SEPTIN14: variants seen among roughly 807,000 people sequenced by gnomAD.
SEPTIN14 encodes the protein septin-14.
In SEPTIN14, 40 loss-of-function variants were observed where a neutral mutation model predicts 53.6. The observed-to-expected ratio is 0.75, with a 90% CI of 0.58 to 0.97. The LOEUF is 0.97. Among genes scored for constraint, SEPTIN14 ranks in the 50% least tolerant of loss-of-function variants. The pLI is 0.00. For synonymous variants in SEPTIN14, 138 were observed against 166.8 expected (o/e 0.83, Z 1.33); for missense variants, 471 against 508.2 (o/e 0.93, Z 0.70).
At chr7:55,821,336 G>A (rs1219897699) in intron 6 of SEPTIN14, among the ~76,000 whole-genome samples, 1 of 152,112 alleles carries the variant, frequency 6.6e-6, no homozygotes, top group African/African-American at 2.4e-5. Flanking sequence ...GTTACCAGTG[G>A]GTGCCTGAAG....
intron 5 of SEPTIN14, among the ~76,000 whole-genome samples, chr7:55,839,109 C>G (rs767617513): frequency 8.6e-5 from 13 of 151,996 alleles, no homozygotes; most frequent in Non-Finnish European, 1.9e-4. Context: ...ATTTTGAGGC[C>G]AGGCGTGGTG....
chr7:55,855,197 G>A lies in SEPTIN14; in HGVS notation c.54+6746C>T, dbSNP rs576063686. Among the ~76,000 whole-genome samples the A allele has an allele frequency of 2.8e-3, 421 of 151,934 alleles. 5 individuals carry two copies. Among genetic ancestry groups the A allele is most frequent in the Middle Eastern group, 0.01 (3 of 294 alleles). On this transcript the variant is annotated intron_variant, in intron 2 of 9. Transcript: ENST00000388975. Reference sequence around the variant, plus strand: ...CTAATTTTTTGTATTTTTAGTAGAGGTGGGGTTTCACCGTGTTAGCCAGGA... The same window carrying A: ...CTAATTTTTTGTATTTTTAGTAGAGATGGGGTTTCACCGTGTTAGCCAGGA...
At chr7:55,825,925 A>AC (rs1788976783) in intron 6 of SEPTIN14, among the ~76,000 whole-genome samples, 1 of 152,014 alleles carries the variant, frequency 6.6e-6, no homozygotes. Flanking sequence ...ACACAGTGAA[A>AC]CCCCATCTCT....
At position 55,801,890 on chromosome 7, in the gene SEPTIN14, C is replaced by T. The variant is rs113655676; in HGVS notation, c.1119+3368G>A. Among the ~76,000 whole-genome samples, 524 of 152,130 alleles carry T rather than the reference C, an allele frequency of 3.4e-3. 7 individuals are homozygous for T. Among genetic ancestry groups the T allele is most frequent in the African/African-American group, 0.012 (495 of 41,498 alleles). On this transcript the variant is annotated intron_variant, in intron 9 of 9. Coordinates refer to ENST00000388975, the MANE Select transcript of SEPTIN14 (RefSeq NM_207366.3). ...GAGCTGAGATCGTGCCACTTCACTC[C>T]AGCCTGGGTGACACAGCGAGATCTT...
intron 6 of SEPTIN14, among the ~76,000 whole-genome samples, chr7:55,824,628 CA>C (rs34568525): frequency 1.9e-4 from 27 of 144,866 alleles, no homozygotes; most frequent in South Asian, 2.2e-4. Context: ...ACTAAAAATA[CA>C]AAAAAAAAAA....
intron 7 of SEPTIN14, among the ~76,000 whole-genome samples, chr7:55,809,088 A>T (rs1368334147): frequency 2.0e-5 from 3 of 152,192 alleles, no homozygotes; most frequent in Non-Finnish European, 2.9e-5. Context: ...CCATAAAAAA[A>T]GAACAAGATC....
At chr7:55,826,209 T>C (rs1428445838) in intron 6 of SEPTIN14, among the ~76,000 whole-genome samples, 1 of 152,178 alleles carries the variant, frequency 6.6e-6, no homozygotes, top group Non-Finnish European at 1.5e-5. Flanking sequence ...TTTTACCAAA[T>C]TTCAAGTATA....
chr7:55,812,687 G>GA (rs1673805221), intron 7 of SEPTIN14, among the ~76,000 whole-genome samples: 1 of 152,126 alleles, frequency 6.6e-6, no homozygotes, highest in Non-Finnish European at 1.5e-5. Flanking sequence ...TCATAAGGAT[G>GA]AAAAATCAGG....
intron 2 of SEPTIN14, among the ~76,000 whole-genome samples, chr7:55,854,242 C>A (rs529812618): frequency 6.6e-6 from 1 of 151,660 alleles, no homozygotes; most frequent in Non-Finnish European, 1.5e-5. Flanking sequence ...AATTGAATAC[C>A]CATTTGTGAT....
intron 7 of SEPTIN14, among the ~76,000 whole-genome samples, chr7:55,812,954 C>CTTTTTTT (rs554878767): frequency 7.1e-6 from 1 of 140,506 alleles, no homozygotes; most frequent in African/African-American, 2.6e-5. Flanking sequence ...CGACAGGAGC[C>CTTTTTTT]TTTTTTTTTT....
chr7:55,858,226 C>G (rs1469982845), intron 2 of SEPTIN14, among the ~76,000 whole-genome samples: 1 of 152,122 alleles, frequency 6.6e-6, no homozygotes, highest in Admixed American at 6.6e-5. Flanking sequence ...GATTCAGAAC[C>G]ATGTCAGAAG....
At chr7:55,847,199 C>G (rs984181935) in intron 2 of SEPTIN14, among the ~76,000 whole-genome samples, 4 of 151,840 alleles carry the variant, frequency 2.6e-5, no homozygotes, top group Non-Finnish European at 5.9e-5. Context: ...CAGAGTGAAA[C>G]TCTGTCTCAA....
rs1788668330 is a variant in SEPTIN14 at position 55,809,713 on chromosome 7, A to C, written c.818-2455T>G. Among the ~76,000 whole-genome samples the C allele has an allele frequency of 3.3e-5, 5 of 150,606 alleles. No individual in the cohort carries two copies. In the South Asian group the frequency reaches 1.1e-3, roughly 32 times the overall value. ...ATCTTTTACACCAAACCCCCATGAC[A>C]TGCAATTTATCTATATAACAAATTT... is the stretch of plus-strand genomic sequence containing the variant. On this transcript the variant is annotated intron_variant, in intron 7 of 9. Coordinates refer to ENST00000388975, the MANE Select transcript of SEPTIN14 (RefSeq NM_207366.3).
At chr7:55,851,355 T>G (rs961068493) in intron 2 of SEPTIN14, among the ~76,000 whole-genome samples, 9 of 152,104 alleles carry the variant, frequency 5.9e-5, no homozygotes, top group African/African-American at 2.2e-4. Context: ...TCATCTGTTT[T>G]CAGTTGCTAT....
intron 9 of SEPTIN14, among the ~76,000 whole-genome samples, chr7:55,801,136 CAAAAGA>C (rs933702506): frequency 1.3e-5 from 2 of 151,518 alleles, no homozygotes; most frequent in African/African-American, 4.9e-5. Flanking sequence ...TTTCACACCT[CAAAAGA>C]AAAAGAAAAA....
chr7:55,834,376 A>G, intron 6 of SEPTIN14, 49 bp downstream of exon 6: 1 of 1,439,402 alleles, frequency 6.9e-7, no homozygotes. Context: ...TGGATTCTGG[A>G]TAAACACTCA....
intron 6 of SEPTIN14, among the ~76,000 whole-genome samples, chr7:55,824,358 C>T (rs1351292607): frequency 1.3e-5 from 2 of 152,084 alleles, no homozygotes; most frequent in Non-Finnish European, 1.5e-5. Context: ...AAAAGATATT[C>T]AGATAACAAA....
At chr7:55,806,508 G>C (rs752237214) in intron 8 of SEPTIN14, among the ~76,000 whole-genome samples, 2 of 145,404 alleles carry the variant, frequency 1.4e-5, no homozygotes, top group Non-Finnish European at 3.0e-5. Context: ...AGTCCGCCAC[G>C]CTGGAAGTGC....
In SEPTIN14 at chr7:55,844,553, C is replaced by T. The variant is rs754813975; in HGVS notation, c.341G>A (p.Gly114Glu). ...QLKLTVVETV[G>E]YGDQIDKEAS... ...TTCTTTGTCTATTTGATCACCATACCCTACTGTCTCCACAACAGTCAATTT... is the reference window on the plus strand; with the variant it reads ...TTCTTTGTCTATTTGATCACCATACTCTACTGTCTCCACAACAGTCAATTT... Residue 114 changes from glycine to glutamate, a missense_variant, in exon 4 of 10, where the codon GGG (glycine) becomes GAG (glutamate). By Grantham distance (98) the Gly-to-Glu change is moderately conservative (BLOSUM62 -2). Transcript: ENST00000388975. The T allele has an allele frequency of 6.3e-7, 1 of 1,584,818 alleles. No individual in the cohort carries two copies. Among genetic ancestry groups the T allele is most frequent in the Admixed American group, 1.7e-5 (1 of 59,232 alleles).
Sources: gnomAD v4.1 joint callset for allele counts (sites outside exome capture counted in the v4.1 genomes callset) on GRCh38, gnomAD v4.1.1 for gene constraint, MANE v1.5 for transcripts, NCBI Gene and HGNC (gene_info 2026-07-23, HGNC 2026-07-21) for gene names.